SLC9B1: variants seen among roughly 807,000 people sequenced by gnomAD.
SLC9B1 encodes the protein solute carrier family 9 member B1.
In SLC9B1, 32 loss-of-function variants were observed where a neutral mutation model predicts 51.7. The ratio of observed to expected loss-of-function variants is 0.62; its 90% CI spans 0.47 to 0.83. SLC9B1 has a LOEUF of 0.83. SLC9B1 is among the 40% of genes least tolerant of loss of function. The probability of loss-of-function intolerance (pLI) is 0.00; values close to 1 mark genes in which losing one functional copy is unlikely to be tolerated. For missense variants in SLC9B1, 406 were observed against 613.2 expected, an observed-to-expected ratio of 0.66 and a Z score of 3.57; for synonymous variants, 145 against 212.7, an observed-to-expected ratio of 0.68 and a Z score of 2.77.
intron 9 of SLC9B1, among the ~76,000 whole-genome samples, chr4:102,908,183 G>C (rs1362541489): frequency 0.03 from 2 of 66 alleles, no homozygotes; most frequent in African/African-American, 0.056. Flanking sequence ...TAGAGAAGTA[G>C]GATTAAATAG....
intron 9 of SLC9B1, among the ~76,000 whole-genome samples, chr4:102,907,281 G>A (rs1045094461): frequency 6.6e-6 from 1 of 152,130 alleles, no homozygotes; most frequent in Non-Finnish European, 1.5e-5. Flanking sequence ...ACTACATCAT[G>A]CCTGATGAGA....
In SLC9B1 at chr4:102,887,307, A is replaced by T. The variant is rs759322079; in HGVS notation, c.1333-1979T>A. 53 of 1,135,924 alleles carry T rather than the reference A, an allele frequency of 4.7e-5. No individual in the cohort carries two copies. The South Asian group carries it at 5.3e-4, about 11-fold the overall frequency. The allele number at this position is 1,135,924 out of a possible 1,614,324, so 70.4% of individuals were successfully genotyped here. A position where few individuals can be genotyped will look rare whatever the true frequency, so the allele number is the denominator to read the frequency against. ...GTTTCTACCTAATGAATCATATTTT[A>T]AAAATAACACTTGTAATTCTTTTTT... On this transcript the variant is annotated intron_variant, in intron 11 of 11. Coordinates refer to the SLC9B1 transcript ENST00000394789.
At position 102,949,330 on chromosome 4, in the gene SLC9B1, A is replaced by G. The variant is rs1485512924; in HGVS notation, c.309T>C (p.Tyr103=). The part of the protein sequence containing the change: ...GNLFGLFIIF[Y]SAIIGGKILQ... ...AAATTTTTCCCCCAATAATGGCACT[A>G]TAAAAAATAATGAACAACCCAAATA... The change falls in exon 4 of 12, where the codon TAT becomes TAC. Residue 103 remains tyrosine, a synonymous_variant. Coordinates refer to ENST00000296422, the MANE Select transcript of SLC9B1 (RefSeq NM_139173.4). 1 of 1,611,058 alleles carries G rather than the reference A, an allele frequency of 6.2e-7. No homozygotes were observed.
intron 1 of SLC9B1, among the ~76,000 whole-genome samples, chr4:102,993,458 C>T (rs1578407242): frequency 1.3e-5 from 2 of 152,360 alleles, no homozygotes; most frequent in East Asian, 3.9e-4. Flanking sequence ...GGCAGCTCCG[C>T]CCCTGTGGCT....
chr4:102,929,732 G>C (rs1298661322), intron 7 of SLC9B1, among the ~76,000 whole-genome samples: 1 of 152,204 alleles, frequency 6.6e-6, no homozygotes, highest in Non-Finnish European at 1.5e-5. Context: ...ATGTTGGCCA[G>C]GCTGGTCTTG....
At chr4:103,018,066 C>T (rs1322326808) in intron 1 of SLC9B1, among the ~76,000 whole-genome samples, 2 of 152,170 alleles carry the variant, frequency 1.3e-5, no homozygotes, top group African/African-American at 2.4e-5. Flanking sequence ...ACATATATTA[C>T]ACTATGTTCC....
chr4:102,890,808 C>CTTA lies in SLC9B1; in HGVS notation c.1333-5481_1333-5480insTAA, dbSNP rs1560910006. 3.6e-4 allele frequency: 43 copies of CTTA among 117,862 alleles called. 1 individual carries two copies. Among genetic ancestry groups the CTTA allele is most frequent in the African/African-American group, 1.5e-3 (39 of 25,740 alleles). The allele number at this position is 117,862 out of a possible 1,614,324, so 7.3% of individuals were successfully genotyped here. On this transcript the variant is annotated intron_variant, in intron 11 of 11. Transcript: ENST00000394789. ...TGAGCCAAGATTGTGCCACTGCACT[C>CTTA]CAGCCTGGGCAACAGAAGTGAAACC...
At chr4:103,001,962 G>T (rs1456138731) in intron 1 of SLC9B1, among the ~76,000 whole-genome samples, 3 of 152,218 alleles carry the variant, frequency 2.0e-5, no homozygotes, top group African/African-American at 7.2e-5. Flanking sequence ...CAAAGGAGGA[G>T]CACGGACCTT....
chr4:102,885,522 G>C, intron 11 of SLC9B1: 1 of 979,398 alleles, frequency 1.0e-6, no homozygotes, highest in Non-Finnish European at 1.6e-6. Context: ...TTTAAGATGA[G>C]AGAATTTTCT....
chr4:102,945,847 A>T (rs1228827400), intron 5 of SLC9B1, among the ~76,000 whole-genome samples: 2 of 152,146 alleles, frequency 1.3e-5, no homozygotes, highest in African/African-American at 4.8e-5. Flanking sequence ...TTTCTATTAA[A>T]CCACATTTGC....
intron 7 of SLC9B1, among the ~76,000 whole-genome samples, chr4:102,926,544 T>A (rs1176322443): frequency 7.7e-6 from 1 of 130,290 alleles, no homozygotes; most frequent in Non-Finnish European, 1.7e-5. Flanking sequence ...TTACAAGGGT[T>A]GTGAAGGACC....
intron 9 of SLC9B1, among the ~76,000 whole-genome samples, chr4:102,907,614 C>T (rs770008700): frequency 2.0e-5 from 3 of 152,250 alleles, no homozygotes; most frequent in Non-Finnish European, 4.4e-5. Context: ...CCCTATTGGC[C>T]TACATTACTC....
At chr4:102,941,723 A>G (rs2110469114) in intron 6 of SLC9B1, among the ~76,000 whole-genome samples, 1 of 151,854 alleles carries the variant, frequency 6.6e-6, no homozygotes, top group East Asian at 1.9e-4. Context: ...GGAAAAGTTG[A>G]AAGCATTCCC....
At chr4:102,917,280 G>A (rs1346010542) in intron 7 of SLC9B1, among the ~76,000 whole-genome samples, 1 of 152,106 alleles carries the variant, frequency 6.6e-6, no homozygotes, top group Admixed American at 6.5e-5. Flanking sequence ...CATGTCACTG[G>A]CTTCCTTGGG....
intron 6 of SLC9B1, among the ~76,000 whole-genome samples, chr4:102,933,752 C>T (rs1736576283): frequency 6.6e-6 from 1 of 151,978 alleles, no homozygotes; most frequent in Admixed American, 6.6e-5. Context: ...AGAATTTAAT[C>T]CATAACATCA....
intron 2 of SLC9B1, 61 bp from the exon 3 acceptor site, chr4:102,990,002 A>C (rs7672319): frequency 0.51 from 693,537 of 1,368,778 alleles, 175,738 homozygotes; most frequent in African/African-American, 0.69. Context: ...TATGAATGAA[A>C]TAAACCACCA....
At chr4:102,955,899 A>AG (rs1737784913) in intron 3 of SLC9B1, among the ~76,000 whole-genome samples, 1 of 107,890 alleles carries the variant, frequency 9.3e-6, no homozygotes, top group Non-Finnish European at 1.9e-5. Flanking sequence ...GAAAGAAAGA[A>AG]AGAGAGAGAA....
chr4:102,958,393 C>T (rs1203706089), intron 3 of SLC9B1, among the ~76,000 whole-genome samples: 1 of 152,188 alleles, frequency 6.6e-6, no homozygotes, highest in African/African-American at 2.4e-5. Flanking sequence ...CCTGTACAGC[C>T]TGAAGAACTG....
intron 6 of SLC9B1, among the ~76,000 whole-genome samples, chr4:102,937,412 TAAAAAAAAAAAAAA>T (rs754801733): frequency 6.9e-4 from 31 of 45,242 alleles, no homozygotes; most frequent in African/African-American, 3.4e-3. Flanking sequence ...TCAGCATTCT[TAAAAAAAAAAAAAA>T]AAAAAAAAAA....
Sources: allele counts gnomAD v4.1 joint callset (sites outside exome capture counted in the v4.1 genomes callset), GRCh38; gene constraint gnomAD v4.1.1; transcripts MANE v1.5; gene names NCBI Gene and HGNC (gene_info 2026-07-23, HGNC 2026-07-21).